SEL1L2: variants seen among roughly 807,000 people sequenced by gnomAD.
SEL1L2 encodes the protein SEL1L2 adaptor subunit of SYVN1 ubiquitin ligase.
A neutral mutation model predicts 98.8 loss-of-function variants in SEL1L2; 89 were observed. The observed-to-expected ratio is 0.90, with a 90% CI of 0.76 to 1.07. The LOEUF (loss-of-function observed/expected upper bound fraction) is 1.07. Among genes scored for constraint, SEL1L2 ranks in the 50% least tolerant of loss-of-function variants. SEL1L2 has a pLI of 0.00. For missense variants in SEL1L2, 788 were observed against 812.0 expected (o/e 0.97, Z 0.36); for synonymous variants, 262 against 278.5 (o/e 0.94, Z 0.59).
At chr20:13,855,064 A>G (rs1988933406) in intron 18 of SEL1L2, among the ~76,000 whole-genome samples, 2 of 151,950 alleles carry the variant, frequency 1.3e-5, no homozygotes, top group Non-Finnish European at 2.9e-5. Flanking sequence ...AAAAAAAAAA[A>G]AAAAAAAAAA....
In SEL1L2 at chr20:13,985,979, T is replaced by C. The variant is rs985297301; in HGVS notation, c.58+4498A>G. Among the ~76,000 whole-genome samples, 4 of 152,244 alleles carry C rather than the reference T, an allele frequency of 2.6e-5. No individual in the cohort carries two copies. In the East Asian group the frequency reaches 5.8e-4, roughly 22 times the overall value. The stretch of plus-strand genomic sequence containing the variant: ...GTTATCCATATCATACTTCGTTTGT[T>C]GTTTTTGCTGAGTATTCCATTGTAT... On this transcript the variant is annotated intron_variant, in intron 1 of 19. Transcript: ENST00000284951.
At chr20:13,977,388 A>G (rs571623756) in intron 1 of SEL1L2, among the ~76,000 whole-genome samples, 2 of 152,350 alleles carry the variant, frequency 1.3e-5, no homozygotes, top group Admixed American at 6.5e-5. Context: ...GTAATGTCAC[A>G]TGGTGCACAG....
At chr20:13,919,857 G>A (rs531228943) in intron 3 of SEL1L2, among the ~76,000 whole-genome samples, 3 of 151,462 alleles carry the variant, frequency 2.0e-5, no homozygotes, top group East Asian at 1.9e-4. Flanking sequence ...CCTGGGACGC[G>A]GAGGTTGCAG....
upstream of SEL1L2, chr20:13,995,143 T>C (rs2295413): frequency 0.17 from 27,425 of 157,772 alleles, 2,645 homozygotes; most frequent in Admixed American, 0.23. The surrounding 1 kb of genome is among the most constrained non-coding windows in gnomAD (Gnocchi z 4.3). Context: ...CTAGCTCGCC[T>C]GTCACTTGGC....
In SEL1L2 at chr20:13,928,927, T is replaced by C. The variant is rs932689411; in HGVS notation, c.283+2676A>G. ...GGTCAATTTCATGTGTCAGTTTGGC[T>C]TGGCTATCATCCTCAGTTATCCAAA... On this transcript the variant is annotated intron_variant, in intron 3 of 19. Coordinates refer to ENST00000284951, the MANE Select transcript of SEL1L2 (RefSeq NM_025229.2). Among the ~76,000 whole-genome samples the C allele has an allele frequency of 4.6e-5, 7 of 152,350 alleles. No individual in the cohort carries two copies. In the East Asian group the frequency reaches 1.2e-3, roughly 25 times the overall value.
intron 1 of SEL1L2, among the ~76,000 whole-genome samples, chr20:13,960,707 A>C (rs185302071): frequency 1.8e-4 from 28 of 152,282 alleles, no homozygotes; most frequent in African/African-American, 6.3e-4. Flanking sequence ...AGAGATCTGC[A>C]CCACTGTTTT....
chr20:13,938,106 A>C (rs949102138), intron 2 of SEL1L2, among the ~76,000 whole-genome samples: 1 of 127,528 alleles, frequency 7.8e-6, no homozygotes, highest in Admixed American at 8.1e-5. Context: ...TTTGAGAGGG[A>C]GTTTTGCTCT....
At chr20:13,902,541 G>C (rs966567546) in intron 5 of SEL1L2, among the ~76,000 whole-genome samples, 1 of 152,084 alleles carries the variant, frequency 6.6e-6, no homozygotes, top group Admixed American at 6.6e-5. Context: ...TCCAGCTTTA[G>C]CCGGTGGGAG....
chr20:13,966,874 CCTGT>C (rs1357370361), intron 1 of SEL1L2, among the ~76,000 whole-genome samples: 37 of 130,080 alleles, frequency 2.8e-4, no homozygotes, highest in African/African-American at 9.4e-4. Context: ...TTACCAGAGA[CCTGT>C]CTTTTTTTTT....
upstream of SEL1L2, among the ~76,000 whole-genome samples, chr20:13,994,127 T>C (rs1601085852): frequency 6.6e-6 from 1 of 151,520 alleles, no homozygotes; most frequent in East Asian, 1.9e-4. Context: ...AAAACCCATG[T>C]TTACTAAAAA....
intron 18 of SEL1L2, among the ~76,000 whole-genome samples, chr20:13,855,257 C>A (rs190568807): frequency 1.4e-4 from 21 of 152,154 alleles, no homozygotes; most frequent in African/African-American, 4.8e-4. Flanking sequence ...CTATATAGGG[C>A]AAAGTGCTAT....
intron 5 of SEL1L2, among the ~76,000 whole-genome samples, chr20:13,907,729 T>TCTTTCTTC (rs1250956079): frequency 7.7e-6 from 1 of 129,190 alleles, no homozygotes; most frequent in Non-Finnish European, 1.6e-5. Context: ...TTTCTTTCTT[T>TCTTTCTTC]CTTTCTTTCT....
intron 14 of SEL1L2, among the ~76,000 whole-genome samples, chr20:13,868,018 T>C (rs1403158538): frequency 6.6e-6 from 1 of 152,032 alleles, no homozygotes; most frequent in African/African-American, 2.4e-5. Flanking sequence ...TATGTTCATA[T>C]CTCCTGGTAT....
chr20:13,973,445 A>G (rs1220874521), intron 1 of SEL1L2: 2 of 151,908 alleles, frequency 1.3e-5, no homozygotes, highest in Non-Finnish European at 2.9e-5. Context: ...TTAGGCTTGG[A>G]TTTTCCGTTA....
intron 1 of SEL1L2, among the ~76,000 whole-genome samples, chr20:13,970,389 T>C (rs1182265208): frequency 6.6e-6 from 1 of 152,228 alleles, no homozygotes; most frequent in South Asian, 2.1e-4. Context: ...CTATAAAACA[T>C]GTATAAGGGT....
chr20:13,915,286 A>C, intron 4 of SEL1L2: 1 of 1,261,046 alleles, frequency 7.9e-7, no homozygotes, highest in Non-Finnish European at 1.0e-6. Context: ...GAACAAAAAG[A>C]GATAGAAAAC....
intron 2 of SEL1L2, among the ~76,000 whole-genome samples, chr20:13,937,598 A>C (rs897842554): frequency 6.6e-6 from 1 of 152,186 alleles, no homozygotes; most frequent in Non-Finnish European, 1.5e-5. Context: ...GTCGTGTGAC[A>C]AGAACCTGGG....
chr20:13,867,102 C>A (rs1436149779), intron 14 of SEL1L2, among the ~76,000 whole-genome samples: 6 of 152,148 alleles, frequency 3.9e-5, no homozygotes, highest in Non-Finnish European at 8.8e-5. Flanking sequence ...ACTACTTCGT[C>A]TTATGAAAGT....
chr20:13,978,792 C>T (rs901200133), intron 1 of SEL1L2, among the ~76,000 whole-genome samples: 3 of 152,152 alleles, frequency 2.0e-5, no homozygotes, highest in African/African-American at 7.2e-5. Context: ...TGCGGTGGCT[C>T]ACGCCTGTAA....
Sources: allele counts gnomAD v4.1 joint callset (sites outside exome capture counted in the v4.1 genomes callset), GRCh38; gene constraint gnomAD v4.1.1; non-coding constraint Gnocchi (gnomAD v3.1); transcripts MANE v1.5; gene names NCBI Gene and HGNC (gene_info 2026-07-23, HGNC 2026-07-21).